Variants in GPR158 observed in about 807,000 individuals in gnomAD.
GPR158 encodes the protein metabotropic glycine receptor.
In GPR158, 30 loss-of-function variants were observed where a neutral mutation model predicts 78.2. The ratio of observed to expected loss-of-function variants is 0.38; its 90% CI spans 0.29 to 0.52. The LOEUF (loss-of-function observed/expected upper bound fraction) is 0.52. Ranked by LOEUF, GPR158 falls within the 20% of genes least tolerant of loss-of-function variation. The probability of loss-of-function intolerance (pLI) is 0.83; values close to 1 mark genes in which losing one functional copy is unlikely to be tolerated. For synonymous variants in GPR158, 581 were observed against 591.1 expected, an observed-to-expected ratio of 0.98 and a Z score of 0.25; for missense variants, 1,463 against 1,523.5, an observed-to-expected ratio of 0.96 and a Z score of 0.66.
chr10:25,405,263 AC>A (rs1564446211), intron 3 of GPR158, among the ~76,000 whole-genome samples: 1 of 150,078 alleles, frequency 6.7e-6, no homozygotes, highest in Non-Finnish European at 1.5e-5. Context: ...GAGAAGGGAG[AC>A]TAATTTTTCA....
At chr10:25,319,495 C>T (rs1051279792) in intron 2 of GPR158, among the ~76,000 whole-genome samples, 13 of 152,122 alleles carry the variant, frequency 8.5e-5, no homozygotes, top group Non-Finnish European at 1.3e-4. Flanking sequence ...CTAAGAGAAT[C>T]TCTCATATTT....
At chr10:25,593,384 A>G (rs1210270971) in intron 8 of GPR158, among the ~76,000 whole-genome samples, 2 of 152,220 alleles carry the variant, frequency 1.3e-5, no homozygotes, top group East Asian at 3.9e-4. Context: ...TTATAATATC[A>G]TGAGCATTTT....
chr10:25,218,452 T>A (rs1446260455), intron 1 of GPR158, among the ~76,000 whole-genome samples: 2 of 152,208 alleles, frequency 1.3e-5, no homozygotes, highest in Non-Finnish European at 2.9e-5. Context: ...CTTTTTATTT[T>A]CCAAGTTAGC....
chr10:25,515,827 C>G (rs944703827), intron 5 of GPR158, among the ~76,000 whole-genome samples: 2 of 149,434 alleles, frequency 1.3e-5, no homozygotes, highest in African/African-American at 5.0e-5. Context: ...CCACAATAAA[C>G]ATACGTGTGC....
intron 2 of GPR158, among the ~76,000 whole-genome samples, chr10:25,350,606 G>T (rs1180337931): frequency 6.6e-6 from 1 of 151,938 alleles, no homozygotes; most frequent in East Asian, 1.9e-4. Context: ...GCAAGATAAG[G>T]GTATTGAAAT....
intron 2 of GPR158, among the ~76,000 whole-genome samples, chr10:25,266,103 C>G (rs1854041872): frequency 1.3e-5 from 2 of 152,140 alleles, no homozygotes; most frequent in South Asian, 4.1e-4. Context: ...CTCCACTCTT[C>G]TCCTAGTTAA....
chr10:25,494,685 T>C (rs1055834314), intron 5 of GPR158, among the ~76,000 whole-genome samples: 1 of 152,168 alleles, frequency 6.6e-6, no homozygotes, highest in African/African-American at 2.4e-5. Context: ...TTTTTTTTAA[T>C]GTTTCAGGCG....
Position 25,488,064 on chromosome 10 carries a change from G to A in GPR158, c.1404+21345G>A, listed in dbSNP as rs118127305. The stretch of plus-strand genomic sequence containing the variant: ...GAACATAGGAAGAGAAGCTTTAAAA[G>A]GCTAAATTTTTTTCTTTCTTTCTCC... On this transcript the variant is annotated intron_variant, in intron 5 of 10. Transcript: ENST00000376351. 2.4e-3 allele frequency among the ~76,000 whole-genome samples: 370 copies of A among 152,252 alleles called. 3 individuals are homozygous for A. The East Asian group carries it at 0.028, about 12-fold the overall frequency.
In GPR158 at chr10:25,572,707, C is replaced by A. The variant is rs143713985; in HGVS notation, c.1573C>A (p.Arg525=). The A allele has an allele frequency of 3.7e-6, 6 of 1,613,814 alleles. No homozygotes were observed. Among genetic ancestry groups the A allele is most frequent in the Middle Eastern group, 1.6e-4 (1 of 6,082 alleles). The change falls in exon 7 of 11, where the codon CGG becomes AGG. Residue 525 remains arginine, a synonymous_variant. Coordinates refer to ENST00000376351, the MANE Select transcript of GPR158 (RefSeq NM_020752.3). ...AQRIPYMTGG[R]VMRMLAVILL... is the part of the protein sequence containing the mutation. The stretch of plus-strand genomic sequence containing the variant: ...ACGAATTCCATATATGACTGGCGGA[C>A]GGGTCATGAGGATGCTGGCAGTAAT...
At chr10:25,320,571 CTTTATG>C (rs1460376902) in intron 2 of GPR158, among the ~76,000 whole-genome samples, 1 of 152,172 alleles carries the variant, frequency 6.6e-6, no homozygotes, top group African/African-American at 2.4e-5. Flanking sequence ...CTTTAATGAT[CTTTATG>C]TTTATAAGTT....
At chr10:25,283,371 T>C (rs183079678) in intron 2 of GPR158, among the ~76,000 whole-genome samples, 110 of 152,200 alleles carry the variant, frequency 7.2e-4, no homozygotes, top group African/African-American at 2.4e-3. Context: ...TGATAATTCA[T>C]GTCTTCTCTC....
rs530551615 is a variant in GPR158, at chr10:25,231,618, C to T, written c.1008+10461C>T. Among the ~76,000 whole-genome samples, 3 of 152,224 alleles carry T rather than the reference C, an allele frequency of 2.0e-5. 1 individual carries two copies. The South Asian group carries it at 6.2e-4, about 32-fold the overall frequency. On this transcript the variant is annotated intron_variant, in intron 2 of 10. Coordinates refer to ENST00000376351, the MANE Select transcript of GPR158 (RefSeq NM_020752.3). ...CTGACCATCCAAGGTGAATAGACTG[C>T]CTCTCTGTCTGTACACGTTATCTGG...
chr10:25,464,141 C>A (rs1460883815), intron 4 of GPR158, among the ~76,000 whole-genome samples: 5 of 152,158 alleles, frequency 3.3e-5, no homozygotes, highest in Non-Finnish European at 7.3e-5. Context: ...AGGCAGTGAA[C>A]TCCTAAGAAG....
chr10:25,364,768 T>C (rs1342140149), intron 2 of GPR158, among the ~76,000 whole-genome samples: 1 of 151,886 alleles, frequency 6.6e-6, no homozygotes, highest in Non-Finnish European at 1.5e-5. Context: ...CATTGACAGA[T>C]ATTAGGAATG....
intron 4 of GPR158, among the ~76,000 whole-genome samples, chr10:25,461,733 CTTT>C (rs35604549): frequency 4.5e-5 from 6 of 132,496 alleles, no homozygotes; most frequent in Non-Finnish European, 3.2e-5. Flanking sequence ...CTAGGACTTT[CTTT>C]TTTTTTTTTT....
chr10:25,423,450 C>T (rs184597986), intron 4 of GPR158, among the ~76,000 whole-genome samples: 40 of 151,614 alleles, frequency 2.6e-4, no homozygotes. Flanking sequence ...AGGTTTGTTA[C>T]ATCTGTATAC....
At chr10:25,317,911 T>C (rs1463710155) in intron 2 of GPR158, among the ~76,000 whole-genome samples, 3 of 152,058 alleles carry the variant, frequency 2.0e-5, no homozygotes, top group Non-Finnish European at 4.4e-5. Context: ...GTATTTTTAG[T>C]AGGGACAGGG....
At chr10:25,372,859 A>AAAAT (rs1175421717) in intron 2 of GPR158, among the ~76,000 whole-genome samples, 1 of 151,734 alleles carries the variant, frequency 6.6e-6, no homozygotes, top group Non-Finnish European at 1.5e-5. Flanking sequence ...TAATAATAAT[A>AAAAT]AAATAAATAA....
At chr10:25,563,630 T>C (rs1445877752) in intron 6 of GPR158, among the ~76,000 whole-genome samples, 1 of 152,208 alleles carries the variant, frequency 6.6e-6, no homozygotes, top group Non-Finnish European at 1.5e-5. Context: ...AGATTACAGT[T>C]AATGCCCTAA....
Sources: allele counts gnomAD v4.1 joint callset (sites outside exome capture counted in the v4.1 genomes callset), GRCh38; gene constraint gnomAD v4.1.1; transcripts MANE v1.5; gene names NCBI Gene and HGNC (gene_info 2026-07-23, HGNC 2026-07-21).